LARP4B: variants seen among roughly 807,000 people sequenced by gnomAD.
LARP4B encodes the protein La ribonucleoprotein 4B, also known as la-related protein 4B.
In LARP4B, 12 loss-of-function variants were observed where a neutral mutation model predicts 89.8. The observed-to-expected ratio is 0.13, with a 90% confidence interval of 0.09 to 0.22. The LOEUF is 0.22. Ranked by LOEUF, LARP4B falls within the 10% of genes least tolerant of loss-of-function variation. The probability of loss-of-function intolerance (pLI) is 1.00; values close to 1 mark genes in which losing one functional copy is unlikely to be tolerated. For synonymous variants in LARP4B, 367 were observed against 363.3 expected, an observed-to-expected ratio of 1.01 and a Z score of -0.12; for missense variants, 757 against 947.7, an observed-to-expected ratio of 0.80 and a Z score of 2.64.
At position 829,401 on chromosome 10, in the gene LARP4B, T is replaced by C. The variant is rs1338068822; in HGVS notation, c.1109A>G (p.Tyr370Cys). 1 of 1,604,850 alleles carries C rather than the reference T, an allele frequency of 6.2e-7. No individual in the cohort carries two copies. Among genetic ancestry groups the C allele is most frequent in the South Asian group, 1.1e-5 (1 of 90,084 alleles). ...ATGACGTACCAAGGGTGGGTCAAGATAGCTGTGCGTTGCTGACCACGTCTG... is the reference window on the plus strand; with the variant it reads ...ATGACGTACCAAGGGTGGGTCAAGACAGCTGTGCGTTGCTGACCACGTCTG... ...TPQTWSATHSYLDPPLVTPFP... is the reference protein window; with the variant it reads ...TPQTWSATHSCLDPPLVTPFP... The change falls in exon 11 of 18, where the codon TAT becomes TGT. Residue 370 changes from tyrosine (Y) to cysteine (C), a missense_variant. Physicochemically the swap from Tyr to Cys is radical, Grantham distance 194 (BLOSUM62 -2). This residue lies in a region of LARP4B where 137 missense variants were observed against 213.9 expected (regional missense o/e 0.64). Transcript: ENST00000316157.
rs546515664 is a variant in LARP4B, at chr10:822,820, G to A, written c.1485-1975C>T. Among the ~76,000 whole-genome samples, 50 of 152,336 alleles carry A rather than the reference G, an allele frequency of 3.3e-4. No homozygotes were observed. Among genetic ancestry groups the A allele is most frequent in the African/African-American group, 9.9e-4 (41 of 41,574 alleles). ...AGCTCCACCAAGGCAGCCACCTGGC[G>A]CCTGGGGCTCCTCATGCCATTCAAC... On this transcript the variant is annotated intron_variant, in intron 13 of 17. Transcript: ENST00000316157. This position sits in a 1 kb window ranked among gnomAD's most constrained non-coding sequence, Gnocchi z 4.6.
chr10:825,026 T>C lies in LARP4B; in HGVS notation c.1484+39A>G, dbSNP rs369825497. 26 of 1,531,670 alleles carry C rather than the reference T, an allele frequency of 1.7e-5. No individual in the cohort carries two copies. In the African/African-American group the frequency reaches 2.9e-4, roughly 17 times the overall value. 94.9% of individuals were successfully genotyped at this position (1,531,670 alleles called of 1,614,324 possible). A position where few individuals can be genotyped will look rare whatever the true frequency, so the allele number is the denominator to read the frequency against. The stretch of plus-strand genomic sequence containing the variant: ...CTAAATTAAATAATTTTTAAAATAT[T>C]AGTTTATGATGTTACACAGTAACTG... On this transcript the variant is annotated intron_variant, in intron 13 of 17. Transcript: ENST00000316157.
intron 8 of LARP4B, among the ~76,000 whole-genome samples, chr10:832,376 C>T (rs1388885077): frequency 6.6e-6 from 1 of 152,134 alleles, no homozygotes; most frequent in East Asian, 1.9e-4. Flanking sequence ...TCAAACTTTA[C>T]TGGAGATGAA....
intron 5 of LARP4B, among the ~76,000 whole-genome samples, chr10:861,417 T>C (rs1266838327): frequency 6.6e-6 from 1 of 152,196 alleles, no homozygotes; most frequent in East Asian, 1.9e-4. Context: ...CGGTTATGCC[T>C]CACTAATGCT....
At chr10:859,379 T>C (rs1028002933) in intron 5 of LARP4B, among the ~76,000 whole-genome samples, 1 of 151,918 alleles carries the variant, frequency 6.6e-6, no homozygotes, top group African/African-American at 2.4e-5. Context: ...ATGGCCTGTA[T>C]GGAAAACTGT....
intron 5 of LARP4B, among the ~76,000 whole-genome samples, chr10:859,988 T>TA (rs1727554698): frequency 6.6e-6 from 1 of 151,756 alleles, no homozygotes; most frequent in Non-Finnish European, 1.5e-5. Flanking sequence ...CCACAGAACG[T>TA]ACAACACCAA....
At chr10:836,068 T>G (rs1260895138) in intron 8 of LARP4B, among the ~76,000 whole-genome samples, 2 of 107,976 alleles carry the variant, frequency 1.9e-5, no homozygotes, top group African/African-American at 6.6e-5. Context: ...TTTTGAAAAG[T>G]TTTTTTTATC....
intron 1 of LARP4B, among the ~76,000 whole-genome samples, chr10:896,349 T>C (rs1158542565): frequency 1.3e-5 from 2 of 152,320 alleles, no homozygotes; most frequent in South Asian, 4.1e-4. Context: ...TCAATATTCA[T>C]TTATATGAAA....
chr10:894,058 C>T (rs916797153), intron 1 of LARP4B, among the ~76,000 whole-genome samples: 2 of 152,112 alleles, frequency 1.3e-5, no homozygotes, highest in African/African-American at 2.4e-5. Context: ...ATCCCAATAT[C>T]TAATACAATA....
the LARP4B span, among the ~76,000 whole-genome samples, chr10:977,998 C>T: frequency 1.3e-5 from 2 of 152,158 alleles, no homozygotes; most frequent in Admixed American, 6.5e-5. Flanking sequence ...ATGAACTACC[C>T]TATCCCATAG....
At chr10:857,982 G>A (rs1047842314) in intron 5 of LARP4B, among the ~76,000 whole-genome samples, 2 of 152,152 alleles carry the variant, frequency 1.3e-5, no homozygotes, top group Admixed American at 6.5e-5. Flanking sequence ...ACTAGGAAAT[G>A]CAAGCCAATT....
intron 1 of LARP4B, among the ~76,000 whole-genome samples, chr10:927,833 T>A (rs568734102): frequency 6.6e-6 from 1 of 152,352 alleles, no homozygotes; most frequent in East Asian, 1.9e-4. Context: ...AAGATTTTTG[T>A]GCAATTTATC....
chr10:894,344 G>A (rs1325215353), intron 1 of LARP4B, among the ~76,000 whole-genome samples: 5 of 152,158 alleles, frequency 3.3e-5, no homozygotes. Context: ...CCAGCACAAA[G>A]CCATCATCTA....
intron 7 of LARP4B, among the ~76,000 whole-genome samples, chr10:838,530 C>T (rs1336295389): frequency 1.3e-5 from 2 of 152,148 alleles, no homozygotes; most frequent in Non-Finnish European, 2.9e-5. Context: ...CATCATATGT[C>T]ATAGGGAATG....
chr10:945,829 G>A, the LARP4B span, among the ~76,000 whole-genome samples: 2 of 152,220 alleles, frequency 1.3e-5, no homozygotes, highest in African/African-American at 2.4e-5. Flanking sequence ...AGTTAAGTTC[G>A]TAAGGGTGGG....
At chr10:842,038 AC>A (rs1833542984) in intron 7 of LARP4B, among the ~76,000 whole-genome samples, 1 of 151,770 alleles carries the variant, frequency 6.6e-6, no homozygotes, top group African/African-American at 2.4e-5. Flanking sequence ...CAACGTGAAA[AC>A]CCTTCTATGT....
intron 5 of LARP4B, among the ~76,000 whole-genome samples, chr10:857,072 C>A (rs1243924772): frequency 6.6e-6 from 1 of 152,078 alleles, no homozygotes; most frequent in African/African-American, 2.4e-5. Flanking sequence ...GGCATAGTCA[C>A]CACAGTGCCT....
intron 1 of LARP4B, among the ~76,000 whole-genome samples, chr10:911,445 G>T (rs1052913607): frequency 1.3e-5 from 2 of 152,138 alleles, no homozygotes; most frequent in Non-Finnish European, 2.9e-5. Context: ...AAATGTGTTT[G>T]ATCCCTGTTT....
chr10:932,891 C>G (rs1830693009), upstream of LARP4B: 1 of 151,840 alleles, frequency 6.6e-6, no homozygotes, highest in Non-Finnish European at 1.5e-5. Flanking sequence ...AGGCCCCGGC[C>G]CTTCCCCAAA....
Sources: gnomAD v4.1 joint callset for allele counts (sites outside exome capture counted in the v4.1 genomes callset) on GRCh38, gnomAD v4.1.1 for gene constraint, gnomAD v4.1.1 regional missense constraint, Gnocchi (gnomAD v3.1) non-coding constraint, MANE v1.5 for transcripts, NCBI Gene and HGNC (gene_info 2026-07-23, HGNC 2026-07-21) for gene names.